Variants in NEURL1B observed in about 807,000 individuals in gnomAD.
NEURL1B encodes the protein E3 ubiquitin-protein ligase NEURL1B.
A neutral mutation model predicts 37.4 loss-of-function variants in NEURL1B; 13 were observed. The observed-to-expected ratio is 0.35, with a 90% CI of 0.23 to 0.55. NEURL1B has a LOEUF of 0.55. Ranked by LOEUF, NEURL1B falls within the 20% of genes least tolerant of loss-of-function variation. NEURL1B has a pLI of 0.89. For synonymous variants in NEURL1B, 432 were observed against 426.6 expected (o/e 1.01, Z -0.16); for missense variants, 790 against 879.2 (o/e 0.90, Z 1.28).
At chr5:172,644,926 C>T (rs966730860) in intron 1 of NEURL1B, among the ~76,000 whole-genome samples, 2 of 152,172 alleles carry the variant, frequency 1.3e-5, no homozygotes, top group Non-Finnish European at 2.9e-5. Flanking sequence ...ACAGCACATT[C>T]CAATCCCTTC....
intron 1 of NEURL1B, among the ~76,000 whole-genome samples, chr5:172,645,737 C>T (rs955046693): frequency 2.0e-5 from 3 of 152,186 alleles, no homozygotes; most frequent in African/African-American, 4.8e-5. Flanking sequence ...GAATCAGAAT[C>T]GCTTGCTACC....
At chr5:172,666,777 C>G (rs1399035467) in intron 1 of NEURL1B, among the ~76,000 whole-genome samples, 1 of 152,182 alleles carries the variant, frequency 6.6e-6, no homozygotes, top group Non-Finnish European at 1.5e-5. Context: ...GTGGGCCTTA[C>G]CCTTCTTCCA....
In NEURL1B at chr5:172,683,280, C is replaced by A; in HGVS notation, c.578-139C>A. 1.0e-6 allele frequency: 1 copy of A among 993,796 alleles called. No homozygotes were observed. The highest frequency in any genetic ancestry group is 1.3e-6 in the Non-Finnish European group (1 of 769,852). The allele number at this position is 993,796 out of a possible 1,614,324, so 61.6% of individuals were successfully genotyped here. On this transcript the variant is annotated intron_variant, in intron 2 of 4. Transcript: ENST00000369800. This position sits in a 1 kb window ranked among gnomAD's most constrained non-coding sequence, Gnocchi z 5.6. ...AACACAGATGGACAAAAGGAGAGTT[C>A]GAAGCCGGGGTGGGGTGGGGGCTGC... is the stretch of plus-strand genomic sequence containing the variant.
chr5:172,684,650 A>G (rs562166610), intron 3 of NEURL1B, among the ~76,000 whole-genome samples: 64 of 152,212 alleles, frequency 4.2e-4, no homozygotes, highest in Non-Finnish European at 8.5e-4. Flanking sequence ...GGAGGCCTGA[A>G]CCATCCTATT....
At chr5:172,648,839 A>G (rs1242137527) in intron 1 of NEURL1B, among the ~76,000 whole-genome samples, 1 of 152,140 alleles carries the variant, frequency 6.6e-6, no homozygotes, top group Non-Finnish European at 1.5e-5. Context: ...CACCATGGGG[A>G]TTCCCAGCAG....
chr5:172,666,773 C>T (rs959396149), intron 1 of NEURL1B, among the ~76,000 whole-genome samples: 2 of 152,164 alleles, frequency 1.3e-5, no homozygotes, highest in Non-Finnish European at 2.9e-5. Context: ...CCTCGTGGGC[C>T]TTACCCTTCT....
rs118122680 is a variant in NEURL1B at position 172,688,343 on chromosome 5, A to G, written c.*1418A>G. ...CAGGAGTTCTTGGGAGGACCAGTAC[A>G]ACGTTCTAAAAAGCCTGAGACGCCT... On this transcript the variant is annotated 3_prime_UTR_variant, in exon 5 of 5. Transcript: ENST00000369800. This position sits in a 1 kb window ranked among gnomAD's most constrained non-coding sequence, Gnocchi z 4.3. 2.1e-3 allele frequency: 316 copies of G among 152,870 alleles called. 10 individuals carry two copies. In the East Asian group the frequency reaches 0.05, roughly 24 times the overall value. The allele number at this position is 152,870 out of a possible 1,614,324, so 9.5% of individuals were successfully genotyped here.
chr5:172,690,926 T>G lies in NEURL1B; in HGVS notation c.*4001T>G, dbSNP rs1387456562. 6.6e-6 allele frequency: 1 copy of G among 152,024 alleles called. No individual in the cohort carries two copies. The highest frequency in any genetic ancestry group is 2.4e-5 in the African/African-American group (1 of 41,360). 9.4% of individuals were successfully genotyped at this position (152,024 alleles called of 1,614,324 possible). Reference sequence around the variant, plus strand: ...CAAGGCCCAGGAGAACCCCGGTGAGTCCGTCCAGTTGAGGCAGAGGCAATA... The same window carrying G: ...CAAGGCCCAGGAGAACCCCGGTGAGGCCGTCCAGTTGAGGCAGAGGCAATA... On this transcript the variant is annotated 3_prime_UTR_variant, in exon 5 of 5. Coordinates refer to ENST00000369800, the MANE Select transcript of NEURL1B (RefSeq NM_001142651.3).
rs1038522514 is a variant in NEURL1B at position 172,675,712 on chromosome 5, A to AT, written c.577+5386dup. Among the ~76,000 whole-genome samples the AT allele has an allele frequency of 2.2e-4, 33 of 152,168 alleles. No individual in the cohort carries two copies. The highest frequency in any genetic ancestry group is 7.9e-4 in the African/African-American group (33 of 41,510). ...ATGCTTATGACCAGAAGCATTTCAG[A>AT]TTTTAGACGTTTTTGGATTTTGGAA... On this transcript the variant is annotated intron_variant, in intron 2 of 4. Transcript: ENST00000369800. The surrounding 1 kb of genome is among the most constrained non-coding windows in gnomAD (Gnocchi z 4.7).
Position 172,686,096 on chromosome 5 carries a change from A to G in NEURL1B, c.1298-75A>G. 3 of 1,521,046 alleles carry G rather than the reference A, an allele frequency of 2.0e-6. No individual in the cohort carries two copies. The highest frequency in any genetic ancestry group is 2.7e-6 in the Non-Finnish European group (3 of 1,129,336). The allele number at this position is 1,521,046 out of a possible 1,614,324, so 94.2% of individuals were successfully genotyped here. A position where few individuals can be genotyped will look rare whatever the true frequency, so the allele number is the denominator to read the frequency against. On this transcript the variant is annotated intron_variant, in intron 3 of 4. Transcript: ENST00000369800. The surrounding 1 kb of genome is among the most constrained non-coding windows in gnomAD (Gnocchi z 7.9). Reference sequence around the variant, plus strand: ...GTTAGACGGGAAAGCTAAGGTGCAAAGCAGTGAAGAACCATGGACTAGCAG... The same window carrying G: ...GTTAGACGGGAAAGCTAAGGTGCAAGGCAGTGAAGAACCATGGACTAGCAG...
intron 2 of NEURL1B, among the ~76,000 whole-genome samples, chr5:172,678,059 T>G (rs773765949): frequency 6.6e-6 from 1 of 152,010 alleles, no homozygotes; most frequent in Non-Finnish European, 1.5e-5. Flanking sequence ...CCCGGCTGTG[T>G]GAATGTTGCT....
intron 1 of NEURL1B, among the ~76,000 whole-genome samples, chr5:172,652,843 G>A (rs1182357772): frequency 6.6e-6 from 1 of 152,250 alleles, no homozygotes; most frequent in Non-Finnish European, 1.5e-5. Context: ...GCAATAGAGC[G>A]AGGAAGAAGA....
chr5:172,674,171 G>T (rs949276639), intron 2 of NEURL1B, among the ~76,000 whole-genome samples: 4 of 152,022 alleles, frequency 2.6e-5, no homozygotes, highest in African/African-American at 9.7e-5. Flanking sequence ...ATAAAAACAT[G>T]TAACTGAGCA....
At chr5:172,660,623 GT>G (rs1397580600) in intron 1 of NEURL1B, among the ~76,000 whole-genome samples, 1 of 152,166 alleles carries the variant, frequency 6.6e-6, no homozygotes, top group Admixed American at 6.5e-5. Flanking sequence ...GTGAGGAAGG[GT>G]TGGTTATGTT....
chr5:172,652,094 A>C (rs991923117), intron 1 of NEURL1B, among the ~76,000 whole-genome samples: 1 of 152,252 alleles, frequency 6.6e-6, no homozygotes, highest in African/African-American at 2.4e-5. Context: ...GCATCCCTTC[A>C]GGTCTCCAAG....
Position 172,683,553 on chromosome 5 carries a change from C to G in NEURL1B, c.712C>G (p.Leu238Val), listed in dbSNP as rs753072636. 3 of 1,477,696 alleles carry G rather than the reference C, an allele frequency of 2.0e-6. No individual in the cohort carries two copies. The allele number at this position is 1,477,696 out of a possible 1,614,324, so 91.5% of individuals were successfully genotyped here. The change falls in exon 3 of 5, where the codon CTG becomes GTG. Residue 238 changes from leucine to valine, a missense_variant. Physicochemically the swap from Leu to Val is conservative, Grantham distance 32 (BLOSUM62 1). This residue lies in a region of NEURL1B where 460 missense variants were observed against 407.4 expected (regional missense o/e 1.13). Coordinates refer to ENST00000369800, the MANE Select transcript of NEURL1B (RefSeq NM_001142651.3). This position sits in a 1 kb window ranked among gnomAD's most constrained non-coding sequence, Gnocchi z 5.6. ...ELENNQVVAK[L>V]GHLALGRAPG... ...CGAGAACAACCAGGTGGTGGCCAAG[C>G]TGGGCCACCTGGCGCTGGGCCGCGC...
chr5:172,648,579 A>G (rs1024381465), intron 1 of NEURL1B, among the ~76,000 whole-genome samples: 2 of 152,242 alleles, frequency 1.3e-5, no homozygotes, highest in Non-Finnish European at 2.9e-5. Context: ...AAGCAGTCCA[A>G]CATGATTCCA....
At position 172,641,720 on chromosome 5, in the gene NEURL1B, G is replaced by A. The variant is rs1189175723; in HGVS notation, c.31+283G>A. ...AAGGGCCGCTGGGGCGATGCCGCGCGCCCCCTCGCCTTTGTTCCAGCCCGA... is the reference window on the plus strand; with the variant it reads ...AAGGGCCGCTGGGGCGATGCCGCGCACCCCCTCGCCTTTGTTCCAGCCCGA... On this transcript the variant is annotated intron_variant, in intron 1 of 4. Transcript: ENST00000369800. This position sits in a 1 kb window ranked among gnomAD's most constrained non-coding sequence, Gnocchi z 6.4. 2.0e-5 allele frequency among the ~76,000 whole-genome samples: 3 copies of A among 152,244 alleles called. No individual in the cohort carries two copies. The highest frequency in any genetic ancestry group is 7.2e-5 in the African/African-American group (3 of 41,468).
intron 2 of NEURL1B, among the ~76,000 whole-genome samples, chr5:172,673,965 C>A (rs1456784870): frequency 6.6e-6 from 1 of 151,838 alleles, no homozygotes; most frequent in Non-Finnish European, 1.5e-5. Context: ...ATGGTGAAAC[C>A]CTGTCTCTAC....
Sources: gnomAD v4.1 joint callset for allele counts (sites outside exome capture counted in the v4.1 genomes callset) on GRCh38, gnomAD v4.1.1 for gene constraint, gnomAD v4.1.1 regional missense constraint, Gnocchi (gnomAD v3.1) non-coding constraint, MANE v1.5 for transcripts, NCBI Gene and HGNC (gene_info 2026-07-23, HGNC 2026-07-21) for gene names.